Variants in PCDH7 observed in about 807,000 individuals in gnomAD.
PCDH7 encodes the protein protocadherin-7.
PCDH7 carries 17 observed loss-of-function variants against 58.9 expected under a neutral mutation model. The observed-to-expected ratio is 0.29, with a 90% confidence interval of 0.20 to 0.43. The LOEUF is 0.43. PCDH7 is among the 20% of genes least tolerant of loss of function. The pLI is 1.00. For missense variants in PCDH7, 1,274 were observed against 1,441.0 expected, an observed-to-expected ratio of 0.88 and a Z score of 1.88; for synonymous variants, 664 against 616.4, an observed-to-expected ratio of 1.08 and a Z score of -1.14.
chr4:30,725,595 C>T (rs1714501855), intron 1 of PCDH7, among the ~76,000 whole-genome samples: 1 of 152,038 alleles, frequency 6.6e-6, no homozygotes, highest in South Asian at 2.1e-4. Flanking sequence ...CAAAGTTTGC[C>T]ACACAGCAAA....
At chr4:30,875,770 AT>A (rs962038295) in intron 1 of PCDH7, among the ~76,000 whole-genome samples, 4 of 152,108 alleles carry the variant, frequency 2.6e-5, no homozygotes, top group African/African-American at 9.6e-5. Flanking sequence ...ATAAGTGAAC[AT>A]TATTCATCCA....
Position 30,996,652 on chromosome 4 carries a change from T to G in PCDH7, c.*7+46437T>G, listed in dbSNP as rs114669893. Reference sequence around the variant, plus strand: ...CATTCACTAACATCTTTTTACCCTGTCAGACACTGGGGAAACTTGGTTTTA... The same window carrying G: ...CATTCACTAACATCTTTTTACCCTGGCAGACACTGGGGAAACTTGGTTTTA... On this transcript the variant is annotated intron_variant, in intron 3 of 3. Transcript: ENST00000509759. Among the ~76,000 whole-genome samples the G allele has an allele frequency of 1.9e-3, 283 of 152,330 alleles. 1 individual carries two copies. The highest frequency in any genetic ancestry group is 6.4e-3 in the African/African-American group (268 of 41,588).
chr4:30,959,741 A>G (rs914557362), intron 3 of PCDH7, among the ~76,000 whole-genome samples: 1 of 152,148 alleles, frequency 6.6e-6, no homozygotes, highest in East Asian at 1.9e-4. Flanking sequence ...TTAAACTGCA[A>G]ATGAAGTTGC....
chr4:30,880,678 T>C (rs1173709250), intron 1 of PCDH7, among the ~76,000 whole-genome samples: 1 of 152,128 alleles, frequency 6.6e-6, no homozygotes, highest in African/African-American at 2.4e-5. Context: ...TTAAGCTCCA[T>C]CAAAACTCAA....
At chr4:30,785,356 A>G (rs766595784) in intron 1 of PCDH7, among the ~76,000 whole-genome samples, 5 of 152,030 alleles carry the variant, frequency 3.3e-5, no homozygotes, top group Non-Finnish European at 7.4e-5. Flanking sequence ...AATTAACATG[A>G]ACTTTCTGAA....
intron 3 of PCDH7, among the ~76,000 whole-genome samples, chr4:30,976,248 C>T (rs747252244): frequency 2.0e-5 from 3 of 152,040 alleles, no homozygotes; most frequent in Non-Finnish European, 4.4e-5. Context: ...CCACCCACCA[C>T]ACCTGGCTAA....
At chr4:30,943,014 T>C (rs1057091919) in intron 2 of PCDH7, among the ~76,000 whole-genome samples, 3 of 151,936 alleles carry the variant, frequency 2.0e-5, no homozygotes, top group African/African-American at 7.2e-5. Context: ...TGGGAGAACA[T>C]AGGGTGACAC....
chr4:30,925,395 T>G (rs73214945), intron 2 of PCDH7, among the ~76,000 whole-genome samples: 9 of 152,322 alleles, frequency 5.9e-5, no homozygotes, highest in Non-Finnish European at 1.2e-4. Flanking sequence ...GTTATTGGTT[T>G]GTGCTGATTT....
intron 3 of PCDH7, among the ~76,000 whole-genome samples, chr4:31,031,971 G>A (rs1223620794): frequency 6.6e-6 from 1 of 152,124 alleles, no homozygotes; most frequent in Non-Finnish European, 1.5e-5. Context: ...TCTATATGGG[G>A]CTAACTCATT....
At chr4:31,057,095 A>G (rs890539826) in intron 3 of PCDH7, among the ~76,000 whole-genome samples, 2 of 152,192 alleles carry the variant, frequency 1.3e-5, no homozygotes, top group Non-Finnish European at 2.9e-5. Flanking sequence ...TCATAAATGT[A>G]CTTTATTAGA....
chr4:31,102,222 T>A (rs1489767876), intron 3 of PCDH7, among the ~76,000 whole-genome samples: 1 of 151,756 alleles, frequency 6.6e-6, no homozygotes, highest in African/African-American at 2.4e-5. Flanking sequence ...GTACTCCAAA[T>A]GATAGCCTAA....
chr4:30,968,287 ACTCTCT>A (rs199837200), intron 3 of PCDH7, among the ~76,000 whole-genome samples: 3,683 of 112,976 alleles, frequency 0.033, 148 homozygotes, highest in African/African-American at 0.057. Flanking sequence ...GAAAAAAATT[ACTCTCT>A]CTCTCTCTCT....
At chr4:31,096,455 C>G (rs1377069252) in intron 3 of PCDH7, among the ~76,000 whole-genome samples, 1 of 152,042 alleles carries the variant, frequency 6.6e-6, no homozygotes. Context: ...TCCCAAAATT[C>G]AGGGTAAAAG....
At chr4:31,107,587 C>G (rs889372287) in intron 3 of PCDH7, among the ~76,000 whole-genome samples, 4 of 152,160 alleles carry the variant, frequency 2.6e-5, no homozygotes, top group Non-Finnish European at 4.4e-5. Context: ...TCCTCTGAGT[C>G]AGGTACCACT....
intron 1 of PCDH7, among the ~76,000 whole-genome samples, chr4:30,784,735 A>G (rs1005212166): frequency 6.6e-6 from 1 of 152,070 alleles, no homozygotes; most frequent in East Asian, 1.9e-4. Flanking sequence ...AGAATTAACA[A>G]GAGAAGCTTA....
chr4:31,131,863 A>C (rs751972985), intron 3 of PCDH7, among the ~76,000 whole-genome samples: 1 of 152,212 alleles, frequency 6.6e-6, no homozygotes, highest in Non-Finnish European at 1.5e-5. Flanking sequence ...TACAGGAAAG[A>C]AAAATGCATG....
chr4:31,060,209 A>G (rs1757572875), intron 3 of PCDH7, among the ~76,000 whole-genome samples: 1 of 151,774 alleles, frequency 6.6e-6, no homozygotes, highest in Non-Finnish European at 1.5e-5. Context: ...TTCTGGACAC[A>G]TTGTCCCCAA....
chr4:30,841,506 A>G (rs1731215095), intron 1 of PCDH7, among the ~76,000 whole-genome samples: 1 of 152,102 alleles, frequency 6.6e-6, no homozygotes, highest in East Asian at 1.9e-4. Context: ...AATCTATCTA[A>G]AGCATTACCC....
At chr4:30,934,977 T>C (rs1745152164) in intron 2 of PCDH7, among the ~76,000 whole-genome samples, 1 of 152,110 alleles carries the variant, frequency 6.6e-6, no homozygotes, top group Admixed American at 6.5e-5. Flanking sequence ...CCTCAAAGGT[T>C]TATGTGCAGT....
Sources: gnomAD v4.1 joint callset for allele counts (sites outside exome capture counted in the v4.1 genomes callset) on GRCh38, gnomAD v4.1.1 for gene constraint, MANE v1.5 for transcripts, NCBI Gene and HGNC (gene_info 2026-07-23, HGNC 2026-07-21) for gene names.